Variants in MEGF11 observed in about 807,000 individuals in gnomAD.
The protein encoded by MEGF11 is multiple epidermal growth factor-like domains protein 11.
In MEGF11, 126 loss-of-function variants were observed where a neutral mutation model predicts 146.6. The ratio of observed to expected loss-of-function variants is 0.86; its 90% CI spans 0.74 to 1.00. MEGF11 has a LOEUF of 1.00. Ranked by LOEUF, MEGF11 falls within the 50% of genes least tolerant of loss-of-function variation. The probability of loss-of-function intolerance (pLI) is 0.00; values close to 1 mark genes in which losing one functional copy is unlikely to be tolerated. For missense variants in MEGF11, 1,509 were observed against 1,521.2 expected, an observed-to-expected ratio of 0.99 and a Z score of 0.13; for synonymous variants, 532 against 583.4, an observed-to-expected ratio of 0.91 and a Z score of 1.27.
chr15:65,911,791 A>G (rs756471260), intron 21 of MEGF11, among the ~76,000 whole-genome samples: 60 of 152,232 alleles, frequency 3.9e-4, no homozygotes, highest in Non-Finnish European at 6.6e-4. Context: ...AAGCAAATAC[A>G]TGATTACATG....
intron 5 of MEGF11, among the ~76,000 whole-genome samples, chr15:66,016,017 G>C (rs1034587441): frequency 2.6e-5 from 4 of 152,130 alleles, no homozygotes; most frequent in Admixed American, 2.6e-4. Flanking sequence ...GTCTTGGTGA[G>C]AGGAGAGAGA....
At chr15:65,971,481 A>G (rs914020615) in intron 7 of MEGF11, among the ~76,000 whole-genome samples, 1 of 152,172 alleles carries the variant, frequency 6.6e-6, no homozygotes, top group Non-Finnish European at 1.5e-5. Flanking sequence ...AGTCTTTCAG[A>G]GAGGTTGGTG....
chr15:65,926,808 A>G (rs1596851615), intron 13 of MEGF11, among the ~76,000 whole-genome samples: 1 of 152,214 alleles, frequency 6.6e-6, no homozygotes, highest in East Asian at 1.9e-4. Flanking sequence ...TAATTGGCTC[A>G]CTCAAAATTA....
At chr15:66,054,496 A>G (rs761371678) in intron 5 of MEGF11, among the ~76,000 whole-genome samples, 7 of 151,482 alleles carry the variant, frequency 4.6e-5, no homozygotes, top group Non-Finnish European at 7.4e-5. Context: ...TCCCTTCCCC[A>G]CTCTGGCTTC....
intron 4 of MEGF11, among the ~76,000 whole-genome samples, chr15:66,110,472 G>A (rs1344684992): frequency 6.6e-6 from 1 of 152,082 alleles, no homozygotes; most frequent in Non-Finnish European, 1.5e-5. Flanking sequence ...GGGGTGGACG[G>A]GCAGCTATGC....
chr15:66,052,045 A>G (rs1180722898), intron 5 of MEGF11, among the ~76,000 whole-genome samples: 1 of 152,216 alleles, frequency 6.6e-6, no homozygotes, highest in Non-Finnish European at 1.5e-5. Context: ...TATCTCATAC[A>G]TGCATCATGA....
At chr15:66,251,906 G>C (rs372595491) in intron 1 of MEGF11, among the ~76,000 whole-genome samples, 2 of 152,366 alleles carry the variant, frequency 1.3e-5, no homozygotes, top group East Asian at 3.9e-4. Context: ...GTGTGCACCA[G>C]GAAAATCCGC....
intron 4 of MEGF11, among the ~76,000 whole-genome samples, chr15:66,107,418 G>A (rs561425050): frequency 3.9e-5 from 6 of 152,282 alleles, no homozygotes; most frequent in East Asian, 1.9e-4. Flanking sequence ...GGAGGAAGGC[G>A]CTCAGCAAAC....
At chr15:66,100,903 G>GGTGGGTGA (rs1491004215) in intron 4 of MEGF11, among the ~76,000 whole-genome samples, 2 of 150,426 alleles carry the variant, frequency 1.3e-5, no homozygotes, top group East Asian at 2.0e-4. Flanking sequence ...CGTGTGGGTG[G>GGTGGGTGA]GTGGGTGAGT....
intron 1 of MEGF11, among the ~76,000 whole-genome samples, chr15:66,204,923 G>A (rs1012679236): frequency 1.3e-5 from 2 of 149,280 alleles, no homozygotes; most frequent in Admixed American, 6.6e-5. Flanking sequence ...AGAGGCCAAA[G>A]CAACTAGGAA....
At position 66,237,685 on chromosome 15, in the gene MEGF11, G is replaced by T. The variant is rs80124479; in HGVS notation, c.-9+15920C>A. Among the ~76,000 whole-genome samples, 1,117 of 152,254 alleles carry T rather than the reference G, an allele frequency of 7.3e-3. 21 individuals carry two copies. In the East Asian group the frequency reaches 0.08, roughly 11 times the overall value. On this transcript the variant is annotated intron_variant, in intron 1 of 25. Transcript: ENST00000395614. Reference sequence around the variant, plus strand: ...GAGTAATCCTTGAAGACACTGGCACGTGGCTATCTCCCGCCGGGCTCAATG... The same window carrying T: ...GAGTAATCCTTGAAGACACTGGCACTTGGCTATCTCCCGCCGGGCTCAATG...
chr15:66,149,847 A>C (rs985746123), intron 1 of MEGF11, among the ~76,000 whole-genome samples: 4 of 152,236 alleles, frequency 2.6e-5, no homozygotes, highest in Non-Finnish European at 5.9e-5. Flanking sequence ...GACACTCCTG[A>C]TGATGGCCAC....
In MEGF11 at chr15:65,980,872, C is replaced by T. The variant is rs375969175; in HGVS notation, c.668G>A (p.Ser223Asn). ...VYCEELCPPG[S>N]HGAHCELRCP... ...GCGCAGCTCACAGTGAGCTCCATGG[C>T]TCCCAGGAGGGCACAGCTCCTCGCA... is the stretch of plus-strand genomic sequence containing the variant. The change falls in exon 7 of 26, where the codon AGC (serine) becomes AAC (asparagine). Residue 223 changes from serine (S) to asparagine (N), a missense_variant. Transcript: ENST00000395614. 17 of 1,592,340 alleles carry T rather than the reference C, an allele frequency of 1.1e-5. No homozygotes were observed. The Admixed American group carries it at 2.5e-4, about 23-fold the overall frequency.
chr15:66,053,625 C>T (rs1201723782), intron 5 of MEGF11, among the ~76,000 whole-genome samples: 1 of 151,560 alleles, frequency 6.6e-6, no homozygotes, highest in Non-Finnish European at 1.5e-5. Context: ...GGAGACATGG[C>T]CCAGACACTC....
chr15:66,172,246 CATCAGCAGGA>C (rs1234379238), intron 1 of MEGF11, among the ~76,000 whole-genome samples: 1 of 152,208 alleles, frequency 6.6e-6, no homozygotes, highest in African/African-American at 2.4e-5. Context: ...AGACCCAAGA[CATCAGCAGGA>C]ATCAAAAAAT....
intron 1 of MEGF11, among the ~76,000 whole-genome samples, chr15:66,178,082 C>T (rs2090439705): frequency 1.3e-5 from 2 of 152,272 alleles, no homozygotes; most frequent in South Asian, 4.1e-4. Context: ...AGCCCCACCG[C>T]CACTTTGCTC....
chr15:66,009,412 C>G (rs753563953), intron 5 of MEGF11, among the ~76,000 whole-genome samples: 1 of 151,966 alleles, frequency 6.6e-6, no homozygotes, highest in African/African-American at 2.4e-5. Flanking sequence ...TTCCTAGTGG[C>G]TGGGAGGCTC....
At chr15:66,132,165 G>A (rs1406594816) in intron 1 of MEGF11, among the ~76,000 whole-genome samples, 1 of 152,224 alleles carries the variant, frequency 6.6e-6, no homozygotes, top group Non-Finnish European at 1.5e-5. Flanking sequence ...TCCTCTGGAG[G>A]CCCCTGCCTC....
intron 10 of MEGF11, among the ~76,000 whole-genome samples, chr15:65,951,382 C>G (rs2080394385): frequency 6.6e-6 from 1 of 152,218 alleles, no homozygotes; most frequent in Non-Finnish European, 1.5e-5. Flanking sequence ...CTGAGGTCAA[C>G]TGTGGTTTTA....
Sources: allele counts gnomAD v4.1 joint callset (sites outside exome capture counted in the v4.1 genomes callset), GRCh38; gene constraint gnomAD v4.1.1; transcripts MANE v1.5; gene names NCBI Gene and HGNC (gene_info 2026-07-23, HGNC 2026-07-21).